The following SLC22A31 variants were observed in gnomAD, a reference collection of about 807,000 sequenced individuals.
SLC22A31 encodes solute carrier family 22 member 31.
Under a neutral mutation model 27.4 loss-of-function variants are expected in SLC22A31, and 42 were observed. The ratio of observed to expected loss-of-function variants is 1.53; its 90% CI spans 1.20 to 1.98. The LOEUF is 1.98. Among genes scored for constraint, SLC22A31 ranks in the 30% most tolerant of loss-of-function variants. The probability of loss-of-function intolerance (pLI) is 0.00; values close to 1 mark genes in which losing one functional copy is unlikely to be tolerated. For synonymous variants in SLC22A31, 290 were observed against 230.8 expected (o/e 1.26, Z -2.33); for missense variants, 593 against 479.9 (o/e 1.24, Z -2.20).
chr16:89,198,537 C>A lies in SLC22A31; in HGVS notation c.612G>T (p.Leu204=). The A allele has an allele frequency of 1.3e-6, 2 of 1,507,756 alleles. No homozygotes were observed. Among genetic ancestry groups the A allele is most frequent in the South Asian group, 1.2e-5 (1 of 80,134 alleles). 93.4% of individuals were successfully genotyped at this position (1,507,756 alleles called of 1,614,324 possible). ...ENSLATELTM[L]SARSPQPRYH... ...ACCGGGGCTGGGGGCTCCGTGCAGA[C>A]AGCATGGTCAGCTCTGTAGCCGCAG... The change falls in exon 6 of 9, where the codon CTG becomes CTT. Residue 204 remains leucine, a synonymous_variant. Transcript: ENST00000682282.
intron 4 of SLC22A31, 89 bp downstream of exon 4, chr16:89,198,934 G>A (rs1916267400): frequency 4.7e-6 from 7 of 1,493,504 alleles, no homozygotes; most frequent in Non-Finnish European, 6.3e-6. Context: ...TAACCCATGC[G>A]TTTACCTGGC....
chr16:89,200,914 C>A (rs1202094689), upstream of SLC22A31, among the ~76,000 whole-genome samples: 3 of 152,244 alleles, frequency 2.0e-5, no homozygotes, highest in Admixed American at 6.5e-5. Context: ...CCTTGGAAAG[C>A]CAGCCCAAAG....
chr16:89,198,043 G>C, intron 7 of SLC22A31, 79 bp downstream of exon 7: 1 of 1,465,934 alleles, frequency 6.8e-7, no homozygotes, highest in Non-Finnish European at 9.1e-7. Context: ...TCCCCTGTCG[G>C]CACTATGGCC....
rs1915902754 is a variant in SLC22A31 at position 89,196,300 on chromosome 16, GCCCCCC to G, written c.1035-1_1039del. On this transcript the variant is annotated splice_acceptor_variant and coding_sequence_variant, in exon 9 of 9. Coordinates refer to ENST00000682282, the MANE Select transcript of SLC22A31 (RefSeq NM_001384763.1). LOFTEE classifies it high-confidence loss of function. ...GGCCCCCAGCACCAGGCCCAGCCCG[GCCCCCC>G]TGTGGGACAGAGTGTGTTGGGGGCA... 9 of 1,493,574 alleles carry G rather than the reference GCCCCCC, an allele frequency of 6.0e-6. No homozygotes were observed. The African/African-American group carries it at 1.3e-4, about 21-fold the overall frequency. 92.5% of individuals were successfully genotyped at this position (1,493,574 alleles called of 1,614,324 possible).
In SLC22A31 at chr16:89,198,804, C is replaced by G. The variant is rs78845109; in HGVS notation, c.453-7G>C. 22,257 of 1,525,556 alleles carry G rather than the reference C, an allele frequency of 0.015. 914 individuals are homozygous for G. The highest frequency in any genetic ancestry group is 0.13 in the East Asian group (5,478 of 40,608). The allele number at this position is 1,525,556 out of a possible 1,614,324, so 94.5% of individuals were successfully genotyped here. A position where few individuals can be genotyped will look rare whatever the true frequency, so the allele number is the denominator to read the frequency against. ...GGGGAACAGGGCCGGGAACCTGCAG[C>G]GTTGGTGAGGATGCCCACGGCTCCC... On this transcript the variant is annotated splice_region_variant and splice_polypyrimidine_tract_variant and intron_variant, in intron 4 of 8. Transcript: ENST00000682282.
At chr16:89,197,599 T>G (rs1916083804) in intron 7 of SLC22A31, among the ~76,000 whole-genome samples, 190 bp from the exon 8 acceptor site, 1 of 152,198 alleles carries the variant, frequency 6.6e-6, no homozygotes, top group African/African-American at 2.4e-5. Context: ...GCTTGGATTC[T>G]AAGGATGTTA....
upstream of SLC22A31, chr16:89,201,232 G>A: frequency 2.7e-6 from 1 of 371,784 alleles, no homozygotes; most frequent in Admixed American, 4.6e-5. Context: ...GGGCGGGGAG[G>A]GCTGCGGGGC....
chr16:89,198,414 G>A (rs1916189172), intron 6 of SLC22A31, 28 bp downstream of exon 6: 2 of 1,524,342 alleles, frequency 1.3e-6, no homozygotes, highest in Non-Finnish European at 1.8e-6. Context: ...GGGGGATGGT[G>A]CAGGACCCCA....
rs547557634 is a variant in SLC22A31 at position 89,199,140 on chromosome 16, C to G, written c.335G>C (p.Gly112Ala). 8 of 1,534,710 alleles carry G rather than the reference C, an allele frequency of 5.2e-6. No homozygotes were observed. Among genetic ancestry groups the G allele is most frequent in the Non-Finnish European group, 7.0e-6 (8 of 1,146,418 alleles). Residue 112 changes from glycine (G) to alanine (A), a missense_variant, in exon 4 of 9, where the codon GGC (glycine) becomes GCC (alanine). Coordinates refer to ENST00000682282, the MANE Select transcript of SLC22A31 (RefSeq NM_001384763.1). Reference protein sequence around the residue: ...PHRLAFSMGAGLFSVVGTLLL... With the variant: ...PHRLAFSMGAALFSVVGTLLL... ...CAGGGTGCCCACCACCGAGAAAAGGCCAGCCCCCATGGAGAAGGCCAGGCG... is the reference window on the plus strand; with the variant it reads ...CAGGGTGCCCACCACCGAGAAAAGGGCAGCCCCCATGGAGAAGGCCAGGCG...
chr16:89,200,370 C>T lies in SLC22A31; in HGVS notation c.24+108G>A, dbSNP rs370015928. On this transcript the variant is annotated intron_variant, in intron 1 of 8. Coordinates refer to ENST00000682282, the MANE Select transcript of SLC22A31 (RefSeq NM_001384763.1). ...CCCGGTGAGGCCCTTGACCCTTGAC[C>T]TCAGCTCTGCGCCTCCCCCCACCCC... The T allele has an allele frequency of 5.7e-4, 87 of 152,990 alleles. 1 individual carries two copies. The highest frequency in any genetic ancestry group is 1.8e-3 in the African/African-American group (74 of 41,586). The allele number at this position is 152,990 out of a possible 1,614,324, so 9.5% of individuals were successfully genotyped here.
In SLC22A31 at chr16:89,198,778, C is replaced by G. The variant is rs1250291343; in HGVS notation, c.472G>C (p.Glu158Gln). 4.6e-6 allele frequency: 7 copies of G among 1,532,872 alleles called. No homozygotes were observed. Among genetic ancestry groups the G allele is most frequent in the Non-Finnish European group, 6.1e-6 (7 of 1,144,544 alleles). 95.0% of individuals were successfully genotyped at this position (1,532,872 alleles called of 1,614,324 possible). The change falls in exon 5 of 9, where the codon GAG becomes CAG. Residue 158 changes from glutamate (E) to glutamine (Q), a missense_variant. Coordinates refer to ENST00000682282, the MANE Select transcript of SLC22A31 (RefSeq NM_001384763.1). ...LFWGFPALFP[E>Q]SPCWLLATGQ... is the part of the protein sequence containing the mutation. ...GTGGCCAGCAGCCAGCAGGGAGACT[C>G]GGGGAACAGGGCCGGGAACCTGCAG...
Position 89,196,078 on chromosome 16 carries a change from C to A in SLC22A31, c.1262G>T (p.Gly421Val), listed in dbSNP as rs1218124843. 6.5e-7 allele frequency: 1 copy of A among 1,531,718 alleles called. No individual in the cohort carries two copies. Among genetic ancestry groups the A allele is most frequent in the Admixed American group, 2.0e-5 (1 of 50,842 alleles). 94.9% of individuals were successfully genotyped at this position (1,531,718 alleles called of 1,614,324 possible). ...DRLRRSPLLR[G>V]RPRQDHLPLL... ...AGGCAGGTGGTCCTGGCGGGGGCGG[C>A]CCCGCAGGAGTGGGGAGCGGCGCAG... Residue 421 changes from glycine (G) to valine (V), a missense_variant, in exon 9 of 9, where the codon GGC (glycine) becomes GTC (valine). Gly to Val is a moderately radical substitution (Grantham distance 109). Transcript: ENST00000682282.
At chr16:89,197,219 G>A (rs1597318560) in intron 8 of SLC22A31, 79 bp downstream of exon 8, 1 of 1,135,692 alleles carries the variant, frequency 8.8e-7, no homozygotes, top group Non-Finnish European at 1.3e-6. Context: ...ATGGGGACAG[G>A]GCCTCCTGTC....
In SLC22A31 at chr16:89,198,288, A is replaced by C; in HGVS notation, c.756T>G (p.Pro252=). The change falls in exon 7 of 9, where the codon CCT becomes CCG. Residue 252 remains proline, a synonymous_variant. Transcript: ENST00000682282. ...AGGGCAGGTAGAAGGTCGGCACCTGAGGTGCCAGGCTGCGGCGGAAGCTAG... is the reference window on the plus strand; with the variant it reads ...AGGGCAGGTAGAAGGTCGGCACCTGCGGTGCCAGGCTGCGGCGGAAGCTAG... ...IRASFRRSLA[P]QVPTFYLPYF... The C allele has an allele frequency of 6.5e-7, 1 of 1,535,922 alleles. No individual in the cohort carries two copies. Among genetic ancestry groups the C allele is most frequent in the South Asian group, 1.2e-5 (1 of 84,066 alleles).
rs1436304134 is a variant in SLC22A31 at position 89,199,079 on chromosome 16, C to A, written c.396G>T (p.Trp132Cys). The A allele has an allele frequency of 2.0e-6, 3 of 1,535,702 alleles. No individual in the cohort carries two copies. Among genetic ancestry groups the A allele is most frequent in the Middle Eastern group, 1.7e-4 (1 of 5,988 alleles). Residue 132 changes from tryptophan to cysteine, a missense_variant, in exon 4 of 9, where the codon TGG (tryptophan) becomes TGT (cysteine). Physicochemically the swap from Trp to Cys is radical, Grantham distance 215. Coordinates refer to ENST00000682282, the MANE Select transcript of SLC22A31 (RefSeq NM_001384763.1). The stretch of plus-strand genomic sequence containing the variant: ...GGGCACCCAGCCCCTGCAGAAGACG[C>A]CAGTCCTGCACAAGCGCAGCCAGGC... ...LPGLAALVQD[W>C]RLLQGLGALM...
chr16:89,197,106 G>C (rs1916017139), intron 8 of SLC22A31, among the ~76,000 whole-genome samples, 192 bp downstream of exon 8: 1 of 152,080 alleles, frequency 6.6e-6, no homozygotes, highest in Admixed American at 6.5e-5. Context: ...CGTCTGCCCA[G>C]AGCCTTCTGT....
Position 89,198,669 on chromosome 16 carries a change from T to C in SLC22A31, c.581A>G (p.Glu194Gly). Residue 194 changes from glutamate to glycine, a missense_variant, in exon 5 of 9, where the codon GAG becomes GGG. By Grantham distance (98) the Glu-to-Gly change is moderately conservative. Coordinates refer to ENST00000682282, the MANE Select transcript of SLC22A31 (RefSeq NM_001384763.1). ...CGCCTGACCTGTAGCCAGGGAGTTC[T>C]CCTCCAAGGAACTGTCCCCGGGGCC... ...GVGPGDSSLE[E>G]NSLATELTML... The C allele has an allele frequency of 6.5e-7, 1 of 1,535,572 alleles. No homozygotes were observed. The highest frequency in any genetic ancestry group is 8.7e-7 in the Non-Finnish European group (1 of 1,146,664).
At position 89,199,715 on chromosome 16, in the gene SLC22A31, G is replaced by A. The variant is rs556020003; in HGVS notation, c.126C>T (p.Asp42=). ...LGCVILGAGC[D]RFGRRAVFVA... The stretch of plus-strand genomic sequence containing the variant: ...CAGGAAAAGGGAAGGGGCCTCACCG[G>A]TCACAGCCTGCTCCCAGGATGACAC... The change falls in exon 2 of 9, where the codon GAC becomes GAT. Residue 42 remains aspartate (D), a splice_region_variant and synonymous_variant. Coordinates refer to ENST00000682282, the MANE Select transcript of SLC22A31 (RefSeq NM_001384763.1). The A allele has an allele frequency of 4.9e-6, 2 of 405,512 alleles. No individual in the cohort carries two copies. The highest frequency in any genetic ancestry group is 1.2e-4 in the South Asian group (1 of 8,554). The allele number at this position is 405,512 out of a possible 1,614,324, so 25.1% of individuals were successfully genotyped here.
Position 89,195,875 on chromosome 16 carries a change from CCTGCA to C in SLC22A31, c.*119_*123del. 8.4e-7 allele frequency: 1 copy of C among 1,186,914 alleles called. No homozygotes were observed. The highest frequency in any genetic ancestry group is 3.0e-5 in the Admixed American group (1 of 33,580). 73.5% of individuals were successfully genotyped at this position (1,186,914 alleles called of 1,614,324 possible). On this transcript the variant is annotated 3_prime_UTR_variant, in exon 9 of 9. Transcript: ENST00000682282. ...CCTTCACGCTGTCCCCACGGCTCCA[CCTGCA>C]CTGAGACACGGGCTTCTGAGAGGAA...
Sources: gnomAD v4.1 joint callset for allele counts (sites outside exome capture counted in the v4.1 genomes callset) on GRCh38, gnomAD v4.1.1 for gene constraint, MANE v1.5 for transcripts, NCBI Gene and HGNC (gene_info 2026-07-23, HGNC 2026-07-21) for gene names.